Variants in AFG1L observed in about 807,000 individuals in gnomAD.
AFG1L encodes AFG1-like ATPase.
AFG1L carries 53 observed loss-of-function variants against 62.2 expected under a neutral mutation model. The observed-to-expected ratio is 0.85, with a 90% CI of 0.68 to 1.07. The LOEUF (loss-of-function observed/expected upper bound fraction) is 1.07. Ranked by LOEUF, AFG1L falls within the 50% of genes least tolerant of loss-of-function variation. The pLI, the probability that AFG1L is intolerant of heterozygous loss-of-function variation, is 0.00. For synonymous variants in AFG1L, 228 were observed against 210.3 expected (o/e 1.08, Z -0.73); for missense variants, 555 against 590.5 (o/e 0.94, Z 0.62).
intron 6 of AFG1L, among the ~76,000 whole-genome samples, chr6:108,395,758 C>T (rs745356006): frequency 3.2e-4 from 47 of 149,198 alleles, no homozygotes; most frequent in Non-Finnish European, 5.8e-4. Flanking sequence ...TATAGAATGA[C>T]CTTGAGGGAG....
At chr6:108,343,292 C>A (rs991790067) in intron 2 of AFG1L, among the ~76,000 whole-genome samples, 1 of 152,024 alleles carries the variant, frequency 6.6e-6, no homozygotes, top group African/African-American at 2.4e-5. Context: ...AAGTGATCTG[C>A]CCACTGGGGC....
At chr6:108,444,442 T>C (rs1178352789) in intron 7 of AFG1L, among the ~76,000 whole-genome samples, 1 of 152,172 alleles carries the variant, frequency 6.6e-6, no homozygotes, top group Non-Finnish European at 1.5e-5. Flanking sequence ...CTTAAGATAA[T>C]GTTGAAGGTT....
intron 2 of AFG1L, among the ~76,000 whole-genome samples, chr6:108,332,603 G>T (rs1387395900): frequency 6.6e-6 from 1 of 152,094 alleles, no homozygotes; most frequent in African/African-American, 2.4e-5. Context: ...TTGTGAACTT[G>T]GGAAAAGGAA....
chr6:108,488,301 G>C (rs1227415165), intron 10 of AFG1L, among the ~76,000 whole-genome samples: 1 of 152,148 alleles, frequency 6.6e-6, no homozygotes, highest in East Asian at 1.9e-4. Context: ...TAATTTAGAA[G>C]AGAAAATGAG....
chr6:108,356,752 G>A lies in AFG1L; in HGVS notation c.580G>A (p.Asp194Asn). 1 of 1,613,150 alleles carries A rather than the reference G, an allele frequency of 6.2e-7. No homozygotes were observed. Residue 194 changes from aspartate to asparagine, a missense_variant, in exon 5 of 13, where the codon GAC becomes AAC. Asp to Asn is a conservative substitution (Grantham distance 23). Coordinates refer to ENST00000368977, the MANE Select transcript of AFG1L (RefSeq NM_145315.5). ...RKPGFMAKSY[D>N]PIAPIAEEIS... The stretch of plus-strand genomic sequence containing the variant: ...ACCAGGATTCATGGCTAAATCATAT[G>A]ACCCAATAGCTCCCATAGCCGAAGA...
intron 5 of AFG1L, among the ~76,000 whole-genome samples, chr6:108,363,459 G>C (rs1197043262): frequency 6.6e-6 from 1 of 152,090 alleles, no homozygotes; most frequent in African/African-American, 2.4e-5. Context: ...AATGTGTTTG[G>C]ATAGTTTTTT....
chr6:108,496,823 C>T (rs557630304), intron 10 of AFG1L, among the ~76,000 whole-genome samples: 2 of 152,124 alleles, frequency 1.3e-5, no homozygotes, highest in South Asian at 4.2e-4. Flanking sequence ...TTTACTTATG[C>T]TTTTTTCTGC....
chr6:108,439,277 A>G (rs769399811), intron 7 of AFG1L, among the ~76,000 whole-genome samples: 1 of 152,300 alleles, frequency 6.6e-6, no homozygotes, highest in East Asian at 1.9e-4. Flanking sequence ...CTTATTCATC[A>G]TTATATCTCT....
rs557981205 is a variant in AFG1L at position 108,315,000 on chromosome 6, A to G, written c.140-8825A>G. Among the ~76,000 whole-genome samples, 176 of 152,076 alleles carry G rather than the reference A, an allele frequency of 1.2e-3. 1 individual carries two copies. Among genetic ancestry groups the G allele is most frequent in the Middle Eastern group, 3.4e-3 (1 of 294 alleles). ...GTTACAGGCATGCACTAGCATGCCC[A>G]GCTAATTTTTTTGTATTTTTAGTAG... On this transcript the variant is annotated intron_variant, in intron 1 of 12. Coordinates refer to ENST00000368977, the MANE Select transcript of AFG1L (RefSeq NM_145315.5).
intron 5 of AFG1L, among the ~76,000 whole-genome samples, chr6:108,360,982 T>C (rs915042633): frequency 6.6e-6 from 1 of 152,332 alleles, no homozygotes; most frequent in Non-Finnish European, 1.5e-5. Context: ...CCCAGCTAAA[T>C]TGGGGTTCCA....
intron 11 of AFG1L, 40 bp from the exon 12 acceptor site, chr6:108,519,657 T>C: frequency 9.6e-7 from 1 of 1,040,998 alleles, no homozygotes; most frequent in Non-Finnish European, 1.5e-6. Context: ...ACTTGTGAAA[T>C]GTAAAGAGTA....
chr6:108,387,794 T>TCAC (rs1212074629), intron 6 of AFG1L: 12 of 152,340 alleles, frequency 7.9e-5, no homozygotes, highest in African/African-American at 2.9e-4. Context: ...TGTGCTATTA[T>TCAC]CACAAAGGAG....
chr6:108,483,218 AC>A (rs58431439), intron 10 of AFG1L, among the ~76,000 whole-genome samples: 23,813 of 152,194 alleles, frequency 0.16, 2,370 homozygotes, highest in East Asian at 0.32. Flanking sequence ...TTTCAAAAAA[AC>A]AGAAGTATTT....
chr6:108,452,476 A>G (rs1397302872), intron 8 of AFG1L, among the ~76,000 whole-genome samples: 1 of 151,982 alleles, frequency 6.6e-6, no homozygotes, highest in Non-Finnish European at 1.5e-5. Context: ...TTCTATTCAA[A>G]CACCATATCT....
At chr6:108,365,122 G>A (rs1175003680) in intron 5 of AFG1L, among the ~76,000 whole-genome samples, 1 of 152,110 alleles carries the variant, frequency 6.6e-6, no homozygotes, top group Non-Finnish European at 1.5e-5. Flanking sequence ...AAAGCAAGTT[G>A]TACTGAGATT....
At chr6:108,492,142 G>T (rs1773800901) in intron 10 of AFG1L, among the ~76,000 whole-genome samples, 1 of 152,054 alleles carries the variant, frequency 6.6e-6, no homozygotes, top group Non-Finnish European at 1.5e-5. Flanking sequence ...GTGCCACTTA[G>T]CTCTGATTTC....
At chr6:108,461,305 C>T (rs904826223) in intron 8 of AFG1L, among the ~76,000 whole-genome samples, 4 of 152,166 alleles carry the variant, frequency 2.6e-5, no homozygotes, top group African/African-American at 9.7e-5. Context: ...AAAGTAGATG[C>T]ACGGTAGTAT....
chr6:108,449,835 AGT>A (rs753982339), intron 8 of AFG1L, among the ~76,000 whole-genome samples: 1 of 152,024 alleles, frequency 6.6e-6, no homozygotes, highest in Non-Finnish European at 1.5e-5. Flanking sequence ...CCCACCTATG[AGT>A]GAGAATATGC....
At chr6:108,303,113 C>G (rs892531855) in intron 1 of AFG1L, among the ~76,000 whole-genome samples, 1 of 152,024 alleles carries the variant, frequency 6.6e-6, no homozygotes, top group African/African-American at 2.4e-5. Context: ...GGTTTTGCCA[C>G]GTTGGCCAGG....
Sources: allele counts gnomAD v4.1 joint callset (sites outside exome capture counted in the v4.1 genomes callset), GRCh38; gene constraint gnomAD v4.1.1; transcripts MANE v1.5; gene names NCBI Gene and HGNC (gene_info 2026-07-23, HGNC 2026-07-21).